The following HACE1 variants were observed in gnomAD, a reference collection of about 807,000 sequenced individuals.
HACE1 encodes the protein E3 ubiquitin-protein ligase HACE1.
A neutral mutation model predicts 118.4 loss-of-function variants in HACE1; 73 were observed. That is an observed-to-expected ratio of 0.62 (90% confidence interval 0.51 to 0.75). HACE1 has a LOEUF of 0.75. Ranked by LOEUF, HACE1 falls within the 30% of genes least tolerant of loss-of-function variation. HACE1 has a pLI of 0.00. For synonymous variants in HACE1, 368 were observed against 374.8 expected, an observed-to-expected ratio of 0.98 and a Z score of 0.21; for missense variants, 749 against 1,102.2, an observed-to-expected ratio of 0.68 and a Z score of 4.54.
intron 20 of HACE1, among the ~76,000 whole-genome samples, chr6:104,744,882 A>G (rs1046521495): frequency 2.6e-4 from 39 of 152,200 alleles, no homozygotes; most frequent in African/African-American, 8.7e-4. Context: ...ATGTGTGAAC[A>G]TATGCAACAA....
Position 104,729,092 on chromosome 6 carries a change from A to G in HACE1, c.*570T>C, listed in dbSNP as rs1774934773. On this transcript the variant is annotated 3_prime_UTR_variant, in exon 24 of 24. Transcript: ENST00000262903. ...ATTATATGTCATTTCATCAACTGTT[A>G]GTATCATCAGTCTAAATTTTACAAT... The G allele has an allele frequency of 6.5e-6, 1 of 152,784 alleles. No homozygotes were observed. Among genetic ancestry groups the G allele is most frequent in the Admixed American group, 6.5e-5 (1 of 15,284 alleles). 9.5% of individuals were successfully genotyped at this position (152,784 alleles called of 1,614,324 possible). A position where few individuals can be genotyped will look rare whatever the true frequency, so the allele number is the denominator to read the frequency against.
intron 1 of HACE1, among the ~76,000 whole-genome samples, chr6:104,859,050 T>C (rs1029731453): frequency 1.3e-5 from 2 of 152,190 alleles, no homozygotes; most frequent in Non-Finnish European, 2.9e-5. Flanking sequence ...TACAGTACTT[T>C]AAGAGTACCT....
intron 10 of HACE1, among the ~76,000 whole-genome samples, chr6:104,794,064 C>A (rs541170179): frequency 1.2e-4 from 18 of 152,244 alleles, no homozygotes; most frequent in African/African-American, 3.9e-4. Context: ...ACCTAGAATC[C>A]GCTATTTACT....
chr6:104,755,733 G>A (rs1778534435), intron 19 of HACE1, among the ~76,000 whole-genome samples: 1 of 152,186 alleles, frequency 6.6e-6, no homozygotes, highest in South Asian at 2.1e-4. Flanking sequence ...TGAAACTAAT[G>A]AGAACAAAGA....
chr6:104,795,740 TCAAA>T (rs1462891935), intron 9 of HACE1, 55 bp from the exon 10 acceptor site: 3 of 1,070,230 alleles, frequency 2.8e-6, no homozygotes, highest in Admixed American at 3.5e-5. Context: ...TTAAATCTTA[TCAAA>T]CAATTAAGTA....
rs1465821710 is a variant in HACE1, at chr6:104,784,243, T to C, written c.1479-70A>G. The C allele has an allele frequency of 7.8e-5, 72 of 926,214 alleles. No homozygotes were observed. In the Admixed American group the frequency reaches 1.2e-3, roughly 16 times the overall value. The allele number at this position is 926,214 out of a possible 1,614,324, so 57.4% of individuals were successfully genotyped here. The stretch of plus-strand genomic sequence containing the variant: ...GCATTAAGTGAAATGCAAATTCAGA[T>C]ACACTGACACTGAAACAGAAGAAAA... On this transcript the variant is annotated intron_variant, in intron 13 of 23. Coordinates refer to ENST00000262903, the MANE Select transcript of HACE1 (RefSeq NM_020771.4).
rs1292661130 is a variant in HACE1 at position 104,813,798 on chromosome 6, AAAAC to A, written c.535-2409_535-2406del. ...CAACTGAAGCAGGCCTCTAACCTGA[AAAAC>A]AAAAATTACAACTGAAAAATGAAAC... On this transcript the variant is annotated intron_variant, in intron 6 of 23. Coordinates refer to ENST00000262903, the MANE Select transcript of HACE1 (RefSeq NM_020771.4). Among the ~76,000 whole-genome samples the A allele has an allele frequency of 2.2e-5, 3 of 138,166 alleles. 1 individual carries two copies. The highest frequency in any genetic ancestry group is 2.2e-4 in the Admixed American group (3 of 13,912). The allele number at this position is 138,166 out of a possible 152,430, so 90.6% of individuals were successfully genotyped here.
intron 14 of HACE1, among the ~76,000 whole-genome samples, chr6:104,783,009 T>A (rs1781904940): frequency 6.6e-6 from 1 of 152,164 alleles, no homozygotes; most frequent in South Asian, 2.1e-4. Flanking sequence ...AGAAAATTCT[T>A]CAATCTGGAA....
rs764958110 is a variant in HACE1, at chr6:104,784,494, G to C, written c.1410-9C>G. On this transcript the variant is annotated splice_polypyrimidine_tract_variant and intron_variant, in intron 12 of 23. Coordinates refer to ENST00000262903, the MANE Select transcript of HACE1 (RefSeq NM_020771.4). ...AACGAGGTGAAGTCATTCTGTGGGG[G>C]GAAAACATCAATCAGAATACACAGG... 3 of 1,598,140 alleles carry C rather than the reference G, an allele frequency of 1.9e-6. No individual in the cohort carries two copies. The highest frequency in any genetic ancestry group is 2.6e-6 in the Non-Finnish European group (3 of 1,165,972).
chr6:104,822,374 C>T (rs975518395), intron 6 of HACE1, among the ~76,000 whole-genome samples: 10 of 142,582 alleles, frequency 7.0e-5, no homozygotes, highest in African/African-American at 2.6e-4. Flanking sequence ...CAGAGCAGGA[C>T]TCCATCTCAG....
chr6:104,743,658 G>C (rs1165233762), intron 22 of HACE1, among the ~76,000 whole-genome samples: 2 of 151,908 alleles, frequency 1.3e-5, no homozygotes, highest in African/African-American at 4.8e-5. Context: ...GGTTCCAAAA[G>C]TGAACTTTTC....
intron 6 of HACE1, among the ~76,000 whole-genome samples, chr6:104,823,203 C>T (rs762415117): frequency 2.0e-5 from 3 of 152,054 alleles, no homozygotes; most frequent in Non-Finnish European, 2.9e-5. Context: ...CTCTGGGAGG[C>T]CAGGTGGATC....
chr6:104,758,153 A>AGGAGAACTTC (rs1778924650), intron 19 of HACE1, among the ~76,000 whole-genome samples: 1 of 152,200 alleles, frequency 6.6e-6, no homozygotes, highest in Non-Finnish European at 1.5e-5. Context: ...AACTTCCCCA[A>AGGAGAACTTC]CCTAGCAAGG....
chr6:104,732,017 C>T (rs1369636299), intron 22 of HACE1: 1 of 152,062 alleles, frequency 6.6e-6, no homozygotes, highest in Non-Finnish European at 1.5e-5. Flanking sequence ...CCACTTCACA[C>T]TCATTAAGAT....
At chr6:104,751,893 T>A (rs1778082798) in intron 19 of HACE1, among the ~76,000 whole-genome samples, 1 of 139,728 alleles carries the variant, frequency 7.2e-6, no homozygotes, top group South Asian at 2.2e-4. Flanking sequence ...CTTCCTTTAT[T>A]TTTCTTTTTT....
At chr6:104,822,203 TAAA>T (rs58454908) in intron 6 of HACE1, among the ~76,000 whole-genome samples, 3 of 102,938 alleles carry the variant, frequency 2.9e-5, no homozygotes, top group Non-Finnish European at 3.7e-5. Context: ...CCGTCTCTAC[TAAA>T]AAAAAAAAAA....
chr6:104,827,810 T>A (rs1381558821), intron 6 of HACE1, among the ~76,000 whole-genome samples: 1 of 152,138 alleles, frequency 6.6e-6, no homozygotes, highest in East Asian at 1.9e-4. Context: ...AACAAGTCTA[T>A]GATTTTAGTA....
At chr6:104,826,986 C>T (rs144587730) in intron 6 of HACE1, among the ~76,000 whole-genome samples, 1 of 152,102 alleles carries the variant, frequency 6.6e-6, no homozygotes, top group African/African-American at 2.4e-5. Flanking sequence ...TCAAGAGATC[C>T]TTAAGAAGAA....
At chr6:104,742,593 A>G (rs1340276114) in intron 22 of HACE1, among the ~76,000 whole-genome samples, 5 of 151,916 alleles carry the variant, frequency 3.3e-5, no homozygotes, top group African/African-American at 1.2e-4. Context: ...AGAGAAATGC[A>G]AATCAAAACC....
Sources: allele counts gnomAD v4.1 joint callset (sites outside exome capture counted in the v4.1 genomes callset), GRCh38; gene constraint gnomAD v4.1.1; transcripts MANE v1.5; gene names NCBI Gene and HGNC (gene_info 2026-07-23, HGNC 2026-07-21).